The following MSRA variants were observed in gnomAD, a reference collection of about 807,000 sequenced individuals.
The protein encoded by MSRA is methionine sulfoxide reductase A.
MSRA carries 54 observed loss-of-function variants against 31.3 expected under a neutral mutation model. That is an observed-to-expected ratio of 1.73 (90% CI 1.39 to 2.17). MSRA has a LOEUF of 2.17. Ranked by LOEUF, MSRA falls within the 30% of genes most tolerant of loss-of-function variation. The pLI, the probability that MSRA is intolerant of heterozygous loss-of-function variation, is 0.00. For missense variants in MSRA, 507 were observed against 300.9 expected, an observed-to-expected ratio of 1.69 and a Z score of -5.07; for synonymous variants, 169 against 116.5, an observed-to-expected ratio of 1.45 and a Z score of -2.90.
At chr8:10,350,303 G>A (rs974387552) in intron 5 of MSRA, among the ~76,000 whole-genome samples, 8 of 152,230 alleles carry the variant, frequency 5.3e-5, no homozygotes, top group South Asian at 2.1e-4. Context: ...TACTCACAGC[G>A]CTTCACAGCT....
At chr8:10,189,773 G>T (rs911907274) in intron 1 of MSRA, among the ~76,000 whole-genome samples, 1 of 152,064 alleles carries the variant, frequency 6.6e-6, no homozygotes, top group Non-Finnish European at 1.5e-5. Context: ...TCATAAAGGG[G>T]ATCTGTCTCT....
At chr8:10,251,454 G>T (rs998996376) in intron 3 of MSRA, among the ~76,000 whole-genome samples, 1 of 152,088 alleles carries the variant, frequency 6.6e-6, no homozygotes, top group Non-Finnish European at 1.5e-5. Context: ...CTAAGTTATT[G>T]ACATACTCCT....
At chr8:10,130,894 A>G (rs1801845913) in intron 1 of MSRA, among the ~76,000 whole-genome samples, 1 of 152,182 alleles carries the variant, frequency 6.6e-6, no homozygotes, top group Admixed American at 6.5e-5. Flanking sequence ...CAGGTTTTAG[A>G]TGCCACAGAT....
intron 5 of MSRA, among the ~76,000 whole-genome samples, chr8:10,408,127 G>A (rs1464907997): frequency 6.6e-6 from 1 of 152,186 alleles, no homozygotes; most frequent in African/African-American, 2.4e-5. Flanking sequence ...CTCACTGTCT[G>A]GAAACAGAGG....
intron 1 of MSRA, among the ~76,000 whole-genome samples, chr8:10,186,068 T>A (rs1196710070): frequency 6.6e-6 from 1 of 152,134 alleles, no homozygotes; most frequent in Non-Finnish European, 1.5e-5. Flanking sequence ...AGCGTGCCTC[T>A]TACTGATCCT....
intron 1 of MSRA, among the ~76,000 whole-genome samples, chr8:10,184,137 T>C (rs1230387879): frequency 6.6e-6 from 1 of 151,732 alleles, no homozygotes; most frequent in Non-Finnish European, 1.5e-5. Flanking sequence ...GTGTTGATAG[T>C]GATGGTGTGT....
At chr8:10,150,288 C>G (rs990041178) in intron 1 of MSRA, among the ~76,000 whole-genome samples, 13 of 152,034 alleles carry the variant, frequency 8.6e-5, no homozygotes, top group Non-Finnish European at 1.0e-4. Flanking sequence ...ACACAGTGCA[C>G]CGGCTCTGAG....
At chr8:10,248,889 G>C (rs1415459126) in intron 3 of MSRA, among the ~76,000 whole-genome samples, 1 of 152,226 alleles carries the variant, frequency 6.6e-6, no homozygotes, top group Non-Finnish European at 1.5e-5. Context: ...GAGAGTGGCA[G>C]TATAAAATCA....
intron 5 of MSRA, among the ~76,000 whole-genome samples, chr8:10,400,426 G>C (rs1424061535): frequency 4.0e-5 from 6 of 151,630 alleles, no homozygotes; most frequent in African/African-American, 1.5e-4. Context: ...GGATGAATGA[G>C]AGCTGGGGCT....
chr8:10,337,844 C>T (rs544810455), intron 5 of MSRA: 1 of 701,876 alleles, frequency 1.4e-6, no homozygotes, highest in Non-Finnish European at 2.6e-6. Flanking sequence ...TGCCTTCTTT[C>T]TGCTAAATCA....
chr8:10,343,044 C>CACACAG (rs1803536262), intron 5 of MSRA, among the ~76,000 whole-genome samples: 1 of 115,778 alleles, frequency 8.6e-6, no homozygotes, highest in African/African-American at 3.3e-5. Flanking sequence ...CACACACACA[C>CACACAG]ACACACACAG....
At chr8:10,121,758 ACTCC>A (rs1801124092) in intron 1 of MSRA, among the ~76,000 whole-genome samples, 1 of 150,688 alleles carries the variant, frequency 6.6e-6, no homozygotes, top group Non-Finnish European at 1.5e-5. Flanking sequence ...ACGGCTTCAG[ACTCC>A]TAAGCTCAAG....
At position 10,149,934 on chromosome 8, in the gene MSRA, G is replaced by T. The variant is rs112634870; in HGVS notation, c.143-57899G>T. On this transcript the variant is annotated intron_variant, in intron 1 of 5. Coordinates refer to ENST00000317173, the MANE Select transcript of MSRA (RefSeq NM_012331.5). ...TTTTTTTTTTTGGCCAACTTTATCT[G>T]TCAATTTACAAATAGTTGCTGGTAA... Among the ~76,000 whole-genome samples the T allele has an allele frequency of 6.0e-3, 493 of 81,616 alleles. 6 individuals carry two copies. The highest frequency in any genetic ancestry group is 0.013 in the South Asian group (25 of 1,956). The allele number at this position is 81,616 out of a possible 152,430, so 53.5% of individuals were successfully genotyped here.
intron 3 of MSRA, among the ~76,000 whole-genome samples, chr8:10,285,655 C>G (rs915874468): frequency 3.3e-5 from 5 of 151,772 alleles, no homozygotes; most frequent in African/African-American, 1.2e-4. Context: ...CTTCCCCCCA[C>G]TCCTTCCCCG....
intron 5 of MSRA, among the ~76,000 whole-genome samples, chr8:10,354,933 C>T (rs916944722): frequency 6.6e-6 from 1 of 152,154 alleles, no homozygotes; most frequent in Non-Finnish European, 1.5e-5. Flanking sequence ...AGCATACTTA[C>T]AGCTGAATCT....
At chr8:10,111,381 G>T (rs1221843133) in intron 1 of MSRA, among the ~76,000 whole-genome samples, 1 of 152,020 alleles carries the variant, frequency 6.6e-6, no homozygotes, top group Non-Finnish European at 1.5e-5. Flanking sequence ...TCTCTCTTGG[G>T]GCCACTTATT....
At chr8:10,297,408 G>A (rs1321742029) in intron 3 of MSRA, among the ~76,000 whole-genome samples, 1 of 152,142 alleles carries the variant, frequency 6.6e-6, no homozygotes, top group Admixed American at 6.5e-5. Context: ...ATGTTTGCAC[G>A]TCACATCTAT....
intron 3 of MSRA, among the ~76,000 whole-genome samples, chr8:10,254,300 C>T (rs1402833965): frequency 2.0e-5 from 3 of 152,172 alleles, no homozygotes; most frequent in African/African-American, 4.8e-5. Context: ...TTGCCTTCCT[C>T]TTTCTTTCTT....
At chr8:10,101,862 T>C (rs1032275425) in intron 1 of MSRA, among the ~76,000 whole-genome samples, 2 of 152,252 alleles carry the variant, frequency 1.3e-5, no homozygotes, top group African/African-American at 4.8e-5. Context: ...TGCACAGATA[T>C]CTCTTTGAGC....
Sources: gnomAD v4.1 joint callset for allele counts (sites outside exome capture counted in the v4.1 genomes callset) on GRCh38, gnomAD v4.1.1 for gene constraint, MANE v1.5 for transcripts, NCBI Gene and HGNC (gene_info 2026-07-23, HGNC 2026-07-21) for gene names.